The following BET1L variants were observed in gnomAD, a reference collection of about 807,000 sequenced individuals.
BET1L encodes the protein BET1-like protein.
A neutral mutation model predicts 12.6 loss-of-function variants in BET1L; 13 were observed. That is an observed-to-expected ratio of 1.03 (90% CI 0.67 to 1.64). The LOEUF (loss-of-function observed/expected upper bound fraction) is 1.64, where lower values mean the gene tolerates loss of function less well. Among genes scored for constraint, BET1L ranks in the 40% most tolerant of loss-of-function variants. The pLI is 0.00. For synonymous variants in BET1L, 60 were observed against 56.9 expected (o/e 1.05, Z -0.25); for missense variants, 154 against 150.7 (o/e 1.02, Z -0.11).
At chr11:206,597 G>A (rs896146034) in intron 1 of BET1L, among the ~76,000 whole-genome samples, 1 of 152,166 alleles carries the variant, frequency 6.6e-6, no homozygotes, top group Non-Finnish European at 1.5e-5. Flanking sequence ...TCCCCGAGAC[G>A]GGAGCTGAGG....
rs1590071473 is a variant in BET1L at position 207,332 on chromosome 11, C to G, written c.-11G>C. 1 of 1,553,328 alleles carries G rather than the reference C, an allele frequency of 6.4e-7. No homozygotes were observed. The highest frequency in any genetic ancestry group is 8.6e-7 in the Non-Finnish European group (1 of 1,157,448). On this transcript the variant is annotated 5_prime_UTR_variant, in exon 1 of 4. Transcript: ENST00000382762. ...AGCCCAGTCCGCCATCGTGCCCTGC[C>G]CCGGCTCCTCGACGCGGACACCGAC...
At position 205,057 on chromosome 11, in the gene BET1L, T is replaced by TGGGGGAA; in HGVS notation, c.*244_*245insTTCCCCC. On this transcript the variant is annotated 3_prime_UTR_variant, in exon 4 of 4. Coordinates refer to ENST00000382762, the MANE Select transcript of BET1L (RefSeq NM_001098787.2). The stretch of plus-strand genomic sequence containing the variant: ...CAGCTCTGCCTGGCTCTCTAGCACC[T>TGGGGGAA]GGGGGAGGGGGGAGGGGCTGGGCCT... The TGGGGGAA allele has an allele frequency of 2.2e-6, 1 of 461,914 alleles. No homozygotes were observed. Among genetic ancestry groups the TGGGGGAA allele is most frequent in the Non-Finnish European group, 3.8e-6 (1 of 261,714 alleles). 28.6% of individuals were successfully genotyped at this position (461,914 alleles called of 1,614,324 possible). A position where few individuals can be genotyped will look rare whatever the true frequency, so the allele number is the denominator to read the frequency against.
At position 205,200 on chromosome 11, in the gene BET1L, T is replaced by C. The variant is rs975206755; in HGVS notation, c.*102A>G. On this transcript the variant is annotated 3_prime_UTR_variant, in exon 4 of 4. Coordinates refer to ENST00000382762, the MANE Select transcript of BET1L (RefSeq NM_001098787.2). Reference sequence around the variant, plus strand: ...GAAGATTCCTGACCCACAATTATCATTGCAAAGGAGTATTTTGTAGGTAAG... The same window carrying C: ...GAAGATTCCTGACCCACAATTATCACTGCAAAGGAGTATTTTGTAGGTAAG... 5.8e-6 allele frequency: 8 copies of C among 1,389,040 alleles called. No individual in the cohort carries two copies. In the African/African-American group the frequency reaches 5.8e-5, roughly 10 times the overall value. 86.0% of individuals were successfully genotyped at this position (1,389,040 alleles called of 1,614,324 possible).
intron 1 of BET1L, 58 bp downstream of exon 1, chr11:207,245 C>CA (rs1250666469): frequency 1.1e-5 from 16 of 1,510,276 alleles, no homozygotes; most frequent in Admixed American, 6.1e-5. Flanking sequence ...GCTCTACAGG[C>CA]AGCGGCGTCG....
chr11:207,252 G>T (rs763884819), intron 1 of BET1L, 51 bp downstream of exon 1: 1 of 1,507,682 alleles, frequency 6.6e-7, no homozygotes, highest in South Asian at 1.2e-5. Flanking sequence ...AGGCAGCGGC[G>T]TCGGTTTCGG....
At position 206,030 on chromosome 11, in the gene BET1L, G is replaced by A. The variant is rs754469715; in HGVS notation, c.33C>T (p.Gly11=). The A allele has an allele frequency of 6.8e-6, 11 of 1,613,652 alleles. No homozygotes were observed. The highest frequency in any genetic ancestry group is 6.7e-5 in the East Asian group (3 of 44,894). The part of the protein sequence containing the change: MADWARAQSP[G]AVEEILDREN... ...CCCGGTCTAGAATCTCTTCCACAGC[G>A]CCCGGGCTCTGAGCTGAGAAAAGAG... is the stretch of plus-strand genomic sequence containing the variant. Residue 11 remains glycine (G), a synonymous_variant, in exon 2 of 4, where the codon GGC becomes GGT. Coordinates refer to ENST00000382762, the MANE Select transcript of BET1L (RefSeq NM_001098787.2).
intron 1 of BET1L, among the ~76,000 whole-genome samples, chr11:206,432 T>C (rs912568454): frequency 6.6e-6 from 1 of 152,112 alleles, no homozygotes; most frequent in Non-Finnish European, 1.5e-5. Flanking sequence ...GCTAAGAGCA[T>C]AGAAAAGACT....
In BET1L at chr11:207,394, G is replaced by C; in HGVS notation, c.-73C>G. The C allele has an allele frequency of 7.9e-7, 1 of 1,263,342 alleles. No homozygotes were observed. Among genetic ancestry groups the C allele is most frequent in the Non-Finnish European group, 1.0e-6 (1 of 1,004,318 alleles). The allele number at this position is 1,263,342 out of a possible 1,614,324, so 78.3% of individuals were successfully genotyped here. A position where few individuals can be genotyped will look rare whatever the true frequency, so the allele number is the denominator to read the frequency against. ...CGCCTCAGACGTGGCGCAGTCGCGG[G>C]GAAAGAGCTTCCGGCCCCGCCCCCA... On this transcript the variant is annotated 5_prime_UTR_variant, in exon 1 of 4. Coordinates refer to ENST00000382762, the MANE Select transcript of BET1L (RefSeq NM_001098787.2).
intron 2 of BET1L, 37 bp downstream of exon 2, chr11:205,915 G>T (rs776844640): frequency 1.3e-6 from 2 of 1,599,324 alleles, no homozygotes; most frequent in African/African-American, 2.7e-5. Context: ...TTCCCCAAAG[G>T]CACCAGGTGG....
chr11:205,584 T>C, intron 3 of BET1L, 27 bp downstream of exon 3: 1 of 1,614,072 alleles, frequency 6.2e-7, no homozygotes, highest in Non-Finnish European at 8.5e-7. Context: ...GGCAGGGCAC[T>C]GATACACGCA....
At position 203,175 on chromosome 11, in the gene BET1L, C is replaced by G. The variant is rs1855074036; in HGVS notation, c.*2127G>C. The G allele has an allele frequency of 6.6e-6, 1 of 152,240 alleles. No homozygotes were observed. Among genetic ancestry groups the G allele is most frequent in the Non-Finnish European group, 1.5e-5 (1 of 68,080 alleles). The allele number at this position is 152,240 out of a possible 1,614,324, so 9.4% of individuals were successfully genotyped here. On this transcript the variant is annotated 3_prime_UTR_variant, in exon 4 of 4. Transcript: ENST00000382762. The stretch of plus-strand genomic sequence containing the variant: ...TAGGGTCAGGGCCCCTCAGGAAACT[C>G]TGGTCTGGCACAGCAGCAGCAGGGA...
At chr11:207,119 C>G (rs1855186559) in intron 1 of BET1L, 184 bp downstream of exon 1, 1 of 773,490 alleles carries the variant, frequency 1.3e-6, no homozygotes, top group Non-Finnish European at 1.9e-6. Flanking sequence ...TCGGTCCTAA[C>G]GGCAGTGCCG....
At position 203,271 on chromosome 11, in the gene BET1L, T is replaced by C. The variant is rs1855075844; in HGVS notation, c.*2031A>G. On this transcript the variant is annotated 3_prime_UTR_variant, in exon 4 of 4. Transcript: ENST00000382762. Reference sequence around the variant, plus strand: ...GCAGAAGAGCAAACCACAAAGGAATTCCAGCTCAGACCCCAAAGTACCTGG... The same window carrying C: ...GCAGAAGAGCAAACCACAAAGGAATCCCAGCTCAGACCCCAAAGTACCTGG... The C allele has an allele frequency of 6.6e-6, 1 of 152,200 alleles. No individual in the cohort carries two copies. Among genetic ancestry groups the C allele is most frequent in the Admixed American group, 6.5e-5 (1 of 15,284 alleles). 9.4% of individuals were successfully genotyped at this position (152,200 alleles called of 1,614,324 possible).
chr11:204,603 T>G lies in BET1L; in HGVS notation c.*699A>C, dbSNP rs1194284759. 2 of 152,508 alleles carry G rather than the reference T, an allele frequency of 1.3e-5. No homozygotes were observed. Among genetic ancestry groups the G allele is most frequent in the African/African-American group, 4.8e-5 (2 of 41,458 alleles). 9.4% of individuals were successfully genotyped at this position (152,508 alleles called of 1,614,324 possible). Reference sequence around the variant, plus strand: ...TCCTGAGAATACAAGTTTCTGCTCCTGGATACACAGTCACATGACCCAGAA... The same window carrying G: ...TCCTGAGAATACAAGTTTCTGCTCCGGGATACACAGTCACATGACCCAGAA... On this transcript the variant is annotated 3_prime_UTR_variant, in exon 4 of 4. Transcript: ENST00000382762.
In BET1L at chr11:205,951, C is replaced by A; in HGVS notation, c.111+1G>T. The A allele has an allele frequency of 1.9e-6, 3 of 1,613,956 alleles. No individual in the cohort carries two copies. The highest frequency in any genetic ancestry group is 2.5e-6 in the Non-Finnish European group (3 of 1,179,926). On this transcript the variant is annotated splice_donor_variant, in intron 2 of 3. Coordinates refer to ENST00000382762, the MANE Select transcript of BET1L (RefSeq NM_001098787.2). LOFTEE classifies it high-confidence loss of function. ...AGGTAAGAGGACAGACCACCACTGA[C>A]CGATTTGAGCCTGGTGACTTTGGAG...
At position 205,061 on chromosome 11, in the gene BET1L, GGA is replaced by G; in HGVS notation, c.*239_*240del. On this transcript the variant is annotated 3_prime_UTR_variant, in exon 4 of 4. Coordinates refer to ENST00000382762, the MANE Select transcript of BET1L (RefSeq NM_001098787.2). ...TCTGCCTGGCTCTCTAGCACCTGGGGGAGGGGGGAGGGGCTGGGCCTTGGTTT... is the reference window on the plus strand; with the variant it reads ...TCTGCCTGGCTCTCTAGCACCTGGGGGGGGGGAGGGGCTGGGCCTTGGTTT... The G allele has an allele frequency of 1.9e-6, 1 of 529,574 alleles. No homozygotes were observed. Among genetic ancestry groups the G allele is most frequent in the Non-Finnish European group, 3.3e-6 (1 of 300,892 alleles). 32.8% of individuals were successfully genotyped at this position (529,574 alleles called of 1,614,324 possible).
chr11:207,201 G>C, intron 1 of BET1L, 102 bp downstream of exon 1: 1 of 1,425,482 alleles, frequency 7.0e-7, no homozygotes, highest in South Asian at 1.3e-5. Context: ...CTCGGCCGAG[G>C]TCACCCCAGC....
Position 203,706 on chromosome 11 carries a change from G to C in BET1L, c.*1596C>G, listed in dbSNP as rs145195037. On this transcript the variant is annotated 3_prime_UTR_variant, in exon 4 of 4. Transcript: ENST00000382762. ...CTGCAAAGGGACATCCGAGGAGGGGGAAGCAAGCTGGGAGCAAGACCAGCC... is the reference window on the plus strand; with the variant it reads ...CTGCAAAGGGACATCCGAGGAGGGGCAAGCAAGCTGGGAGCAAGACCAGCC... 1 of 152,980 alleles carries C rather than the reference G, an allele frequency of 6.5e-6. No homozygotes were observed. Among genetic ancestry groups the C allele is most frequent in the East Asian group, 1.9e-4 (1 of 5,200 alleles). The allele number at this position is 152,980 out of a possible 1,614,324, so 9.5% of individuals were successfully genotyped here.
Position 205,269 on chromosome 11 carries a change from C to T in BET1L, c.*33G>A. The stretch of plus-strand genomic sequence containing the variant: ...ACCAGGCAGGGAAGACCCTGGCTGC[C>T]CTTGGCACCCACAGACACCAGCTCC... On this transcript the variant is annotated 3_prime_UTR_variant, in exon 4 of 4. Coordinates refer to ENST00000382762, the MANE Select transcript of BET1L (RefSeq NM_001098787.2). 6.3e-7 allele frequency: 1 copy of T among 1,597,468 alleles called. No homozygotes were observed. Among genetic ancestry groups the T allele is most frequent in the East Asian group, 2.2e-5 (1 of 44,506 alleles).
Sources: allele counts gnomAD v4.1 joint callset (sites outside exome capture counted in the v4.1 genomes callset), GRCh38; gene constraint gnomAD v4.1.1; transcripts MANE v1.5; gene names NCBI Gene and HGNC (gene_info 2026-07-23, HGNC 2026-07-21).